PPM1E: variants seen among roughly 807,000 people sequenced by gnomAD.
The protein encoded by PPM1E is protein phosphatase, Mg2+/Mn2+ dependent 1E, also known as protein phosphatase 1E.
PPM1E carries 20 observed loss-of-function variants against 65.9 expected under a neutral mutation model. The observed-to-expected ratio is 0.30, with a 90% confidence interval of 0.21 to 0.44. The LOEUF is 0.44. Ranked by LOEUF, PPM1E falls within the 20% of genes least tolerant of loss-of-function variation. PPM1E has a pLI of 1.00. For synonymous variants in PPM1E, 352 were observed against 374.9 expected (o/e 0.94, Z 0.70); for missense variants, 713 against 953.1 (o/e 0.75, Z 3.32).
At chr17:58,886,877 G>A (rs1598630055) in intron 1 of PPM1E, among the ~76,000 whole-genome samples, 2 of 152,316 alleles carry the variant, frequency 1.3e-5, no homozygotes, top group South Asian at 4.1e-4. Context: ...ATGCCTAGTG[G>A]TGGGGAGACT....
chr17:58,916,918 A>G (rs1396688346), intron 1 of PPM1E, among the ~76,000 whole-genome samples: 10 of 152,118 alleles, frequency 6.6e-5, no homozygotes, highest in Non-Finnish European at 1.3e-4. Context: ...TAACTGTAAG[A>G]ACTATCTGTG....
Position 58,972,910 on chromosome 17 carries a change from G to C in PPM1E, c.1195G>C (p.Val399Leu). 6.2e-7 allele frequency: 1 copy of C among 1,612,746 alleles called. No individual in the cohort carries two copies. Among genetic ancestry groups the C allele is most frequent in the South Asian group, 1.1e-5 (1 of 91,050 alleles). Residue 399 changes from valine (V) to leucine (L), a missense_variant, in exon 6 of 7, where the codon GTT becomes CTT. By Grantham distance (32) the Val-to-Leu change is conservative. Around this residue, in one of 6 missense-constraint regions of PPM1E, gnomAD observed 88 missense variants for 231.1 expected, o/e 0.38. Transcript: ENST00000308249. ...CTGGAGGGTGAATGGAAGTCTGTCG[G>C]TTTCCAGAGCTATTGGTAGGAAAAA... ...GAWRVNGSLS[V>L]SRAIGDAEHK...
intron 1 of PPM1E, among the ~76,000 whole-genome samples, chr17:58,923,694 C>T (rs2051783994): frequency 2.0e-5 from 3 of 148,836 alleles, no homozygotes. Flanking sequence ...TTGCAGTGAG[C>T]TGAGATCGCA....
chr17:58,871,324 A>G (rs184497062), intron 1 of PPM1E, among the ~76,000 whole-genome samples: 2 of 152,070 alleles, frequency 1.3e-5, no homozygotes, highest in South Asian at 2.1e-4. Context: ...ATAGGCATTG[A>G]GCCTCCGTGC....
At chr17:58,825,560 T>G (rs147383146) in intron 1 of PPM1E, among the ~76,000 whole-genome samples, 1,695 of 152,114 alleles carry the variant, frequency 0.011, 37 homozygotes, top group African/African-American at 0.039. Context: ...TCTGTTGTTT[T>G]TTGTTGTTGT....
chr17:58,843,451 T>C (rs1598605899), intron 1 of PPM1E, among the ~76,000 whole-genome samples: 1 of 149,324 alleles, frequency 6.7e-6, no homozygotes, highest in Non-Finnish European at 1.5e-5. Flanking sequence ...ACCCGGGAGG[T>C]AGAGGTTGCA....
At chr17:58,934,528 T>C (rs1238956465) in intron 1 of PPM1E, among the ~76,000 whole-genome samples, 1 of 152,204 alleles carries the variant, frequency 6.6e-6, no homozygotes, top group African/African-American at 2.4e-5. Context: ...CAAATATGTA[T>C]TGAGCACTGT....
chr17:58,828,995 A>G (rs1003167098), intron 1 of PPM1E, among the ~76,000 whole-genome samples: 1 of 152,060 alleles, frequency 6.6e-6, no homozygotes. Context: ...AATTATGTAT[A>G]TATTGTTTAC....
intron 1 of PPM1E, among the ~76,000 whole-genome samples, chr17:58,904,338 G>T (rs1053983637): frequency 2.6e-5 from 4 of 152,140 alleles, no homozygotes; most frequent in Admixed American, 6.5e-5. Context: ...CATTCTTAAT[G>T]TATAAGTGAT....
At chr17:58,943,266 CCTT>C (rs894073640) in intron 1 of PPM1E, among the ~76,000 whole-genome samples, 5 of 152,006 alleles carry the variant, frequency 3.3e-5, no homozygotes, top group African/African-American at 9.7e-5. Flanking sequence ...AACCCCAAAT[CCTT>C]CTTGTCAGAG....
At chr17:58,951,998 G>C (rs2143634960) in intron 1 of PPM1E, among the ~76,000 whole-genome samples, 1 of 152,264 alleles carries the variant, frequency 6.6e-6, no homozygotes. Flanking sequence ...TTATGGAGTA[G>C]TTTTCATAGG....
intron 1 of PPM1E, among the ~76,000 whole-genome samples, chr17:58,936,421 T>G (rs1567880414): frequency 1.3e-5 from 2 of 152,170 alleles, no homozygotes; most frequent in Non-Finnish European, 2.9e-5. Context: ...GAGATGAGGC[T>G]GCTCCAGACG....
At chr17:58,794,227 G>A (rs2050184708) in intron 1 of PPM1E, among the ~76,000 whole-genome samples, 1 of 151,972 alleles carries the variant, frequency 6.6e-6, no homozygotes, top group South Asian at 2.1e-4. Flanking sequence ...TTACAGGCAG[G>A]AGCCACCATG....
intron 1 of PPM1E, among the ~76,000 whole-genome samples, chr17:58,875,325 C>T (rs1193248843): frequency 6.6e-6 from 1 of 152,186 alleles, no homozygotes. Flanking sequence ...AAAGAAAGCA[C>T]AGATTGACAC....
chr17:58,848,281 A>G (rs938011403), intron 1 of PPM1E, among the ~76,000 whole-genome samples: 11 of 152,126 alleles, frequency 7.2e-5, no homozygotes, highest in African/African-American at 2.7e-4. Context: ...CTCCTGCCTG[A>G]TTACCCTGGC....
chr17:58,927,950 C>T (rs1331293688), intron 1 of PPM1E, among the ~76,000 whole-genome samples: 2 of 151,848 alleles, frequency 1.3e-5, no homozygotes, highest in Non-Finnish European at 2.9e-5. Context: ...GTCCCAGCTA[C>T]TCAGGAGGTT....
At chr17:58,979,428 C>T (rs1332095192) in intron 6 of PPM1E, among the ~76,000 whole-genome samples, 1 of 152,148 alleles carries the variant, frequency 6.6e-6, no homozygotes, top group Non-Finnish European at 1.5e-5. Flanking sequence ...TATAAAATCT[C>T]GTGTAACTCA....
chr17:58,978,206 A>G (rs946436217), intron 6 of PPM1E, among the ~76,000 whole-genome samples: 1 of 152,224 alleles, frequency 6.6e-6, no homozygotes. Context: ...CAAGTAGAAG[A>G]GCTAGGATTT....
intron 1 of PPM1E, among the ~76,000 whole-genome samples, chr17:58,927,715 TG>T (rs1465094770): frequency 1.3e-5 from 2 of 151,830 alleles, no homozygotes; most frequent in Non-Finnish European, 2.9e-5. Flanking sequence ...AAGACCAGCT[TG>T]GGCAACAAAG....
Sources: allele counts gnomAD v4.1 joint callset (sites outside exome capture counted in the v4.1 genomes callset), GRCh38; gene constraint gnomAD v4.1.1; regional missense constraint gnomAD v4.1.1; transcripts MANE v1.5; gene names NCBI Gene and HGNC (gene_info 2026-07-23, HGNC 2026-07-21).